Variants in DACH2 observed in about 807,000 individuals in gnomAD.
DACH2 encodes dachshund homolog 2.
A neutral mutation model predicts 35.8 loss-of-function variants in DACH2; 17 were observed. The observed-to-expected ratio is 0.48, with a 90% CI of 0.33 to 0.71. The LOEUF (loss-of-function observed/expected upper bound fraction) is 0.71, where lower values mean the gene tolerates loss of function less well. Among genes scored for constraint, DACH2 ranks in the 30% least tolerant of loss-of-function variants. The probability of loss-of-function intolerance (pLI) is 0.02; values close to 1 mark genes in which losing one functional copy is unlikely to be tolerated. For missense variants in DACH2, 469 were observed against 472.7 expected (o/e 0.99, Z 0.07); for synonymous variants, 195 against 177.3 (o/e 1.10, Z -0.79).
At chrX:86,206,720 C>G (rs1045704991) in intron 1 of DACH2, among the ~76,000 whole-genome samples, 2 of 111,567 alleles carry the variant, frequency 1.8e-5, no homozygotes, top group Non-Finnish European at 3.8e-5. Flanking sequence ...CTGTTTGCTT[C>G]GTTGGGTGTA....
At chrX:86,792,590 T>G (rs931447625) in intron 7 of DACH2, among the ~76,000 whole-genome samples, 1 of 111,631 alleles carries the variant, frequency 9.0e-6, no homozygotes, top group Non-Finnish European at 1.9e-5. Flanking sequence ...CATGAGATGT[T>G]TTTTAGCTCC....
At chrX:86,408,953 G>T (rs375124801) in intron 2 of DACH2, among the ~76,000 whole-genome samples, 2 of 111,528 alleles carry the variant, frequency 1.8e-5, no homozygotes, top group African/African-American at 3.3e-5. Flanking sequence ...TAAAAGAAAT[G>T]GACAAACTAC....
intron 4 of DACH2, among the ~76,000 whole-genome samples, chrX:86,671,610 A>G (rs1035314405): frequency 5.4e-5 from 6 of 111,613 alleles, no homozygotes; most frequent in African/African-American, 1.6e-4. Context: ...GCCTTCCGCC[A>G]TGATTGTAAG....
chrX:86,511,122 T>G (rs977956523), intron 2 of DACH2, among the ~76,000 whole-genome samples: 3 of 111,685 alleles, frequency 2.7e-5, no homozygotes. Flanking sequence ...AATACAGCTC[T>G]TAAAGATAAG....
chrX:86,339,300 C>G (rs965749634), intron 1 of DACH2, among the ~76,000 whole-genome samples: 1 of 111,763 alleles, frequency 8.9e-6, no homozygotes, highest in Non-Finnish European at 1.9e-5. Flanking sequence ...AATTGTTTCT[C>G]AAGAGATCAG....
At chrX:86,802,826 A>T in intron 7 of DACH2, among the ~76,000 whole-genome samples, 1 of 111,272 alleles carries the variant, frequency 9.0e-6, no homozygotes, top group Non-Finnish European at 1.9e-5. Context: ...AGGGTCATCT[A>T]ATTTATGGAA....
intron 7 of DACH2, among the ~76,000 whole-genome samples, chrX:86,742,036 C>T (rs929368809): frequency 2.7e-5 from 3 of 110,524 alleles, no homozygotes; most frequent in African/African-American, 9.8e-5. Context: ...ACAACTTACA[C>T]TTAGAAGTAA....
intron 2 of DACH2, among the ~76,000 whole-genome samples, chrX:86,411,992 C>T (rs985717767): frequency 9.0e-6 from 1 of 111,507 alleles, no homozygotes; most frequent in African/African-American, 3.3e-5. Flanking sequence ...CAAGAGACAC[C>T]TAATGGATCT....
At chrX:86,581,633 T>G (rs181977602) in intron 3 of DACH2, among the ~76,000 whole-genome samples, 2 of 110,265 alleles carry the variant, frequency 1.8e-5, no homozygotes, top group East Asian at 2.9e-4. Flanking sequence ...GAAAAAAAAA[T>G]AAAAAATTGG....
At chrX:86,328,175 A>T (rs754036730) in intron 1 of DACH2, among the ~76,000 whole-genome samples, 3 of 111,790 alleles carry the variant, frequency 2.7e-5, no homozygotes, top group Non-Finnish European at 5.6e-5. Context: ...CTATGCATCA[A>T]GCAGGGTACC....
chrX:86,739,779 T>C lies in DACH2; in HGVS notation c.1137T>C (p.Pro379=), dbSNP rs747727024. The part of the protein sequence containing the change: ...ERIPESPSPA[P]SLEENHRPGS... Reference sequence around the variant, plus strand: ...TCCCAGAGAGTCCTTCTCCTGCTCCTTCTCTAGAAGAGAATCATCGTCCTG... The same window carrying C: ...TCCCAGAGAGTCCTTCTCCTGCTCCCTCTCTAGAAGAGAATCATCGTCCTG... The change falls in exon 7 of 12, where the codon CCT becomes CCC. Residue 379 remains proline, a synonymous_variant. Transcript: ENST00000373125. The C allele has an allele frequency of 6.8e-6, 8 of 1,184,644 alleles. No homozygotes were observed. The highest frequency in any genetic ancestry group is 9.1e-6 in the Non-Finnish European group (8 of 882,082).
intron 4 of DACH2, among the ~76,000 whole-genome samples, chrX:86,691,278 AC>A (rs1436782727): frequency 1.8e-5 from 2 of 111,582 alleles, no homozygotes; most frequent in Non-Finnish European, 3.8e-5. Flanking sequence ...ACCCCTAGTT[AC>A]TTTGAACTGT....
intron 2 of DACH2, among the ~76,000 whole-genome samples, chrX:86,507,586 T>C (rs188879454): frequency 2.5e-4 from 28 of 111,281 alleles, no homozygotes; most frequent in East Asian, 2.0e-3. Context: ...ATGTTTCTTC[T>C]GTGGTCAAAT....
intron 1 of DACH2, among the ~76,000 whole-genome samples, chrX:86,220,002 C>A (rs375854486): frequency 3.4e-3 from 208 of 60,808 alleles, no homozygotes; most frequent in Admixed American, 4.7e-3. Context: ...ACTAAAAATA[C>A]AAAAAAAAAA....
At chrX:86,164,726 C>A (rs960631391) in intron 1 of DACH2, among the ~76,000 whole-genome samples, 3 of 110,608 alleles carry the variant, frequency 2.7e-5, no homozygotes, top group Non-Finnish European at 5.7e-5. Context: ...TTAGGTTTGT[C>A]AAAGATCAGG....
At chrX:86,811,273 C>G (rs1310647718) in intron 7 of DACH2, among the ~76,000 whole-genome samples, 2 of 111,294 alleles carry the variant, frequency 1.8e-5, no homozygotes, top group African/African-American at 6.5e-5. Flanking sequence ...TGAAGTTTCC[C>G]ACAAATGAAT....
chrX:86,590,302 C>T (rs775548846), intron 3 of DACH2, among the ~76,000 whole-genome samples: 1 of 112,158 alleles, frequency 8.9e-6, no homozygotes, highest in South Asian at 3.7e-4. Context: ...CCCCAGCCTT[C>T]CAGTCTCTTC....
At chrX:86,608,843 T>C (rs2039893910) in intron 3 of DACH2, among the ~76,000 whole-genome samples, 1 of 112,096 alleles carries the variant, frequency 8.9e-6, no homozygotes, top group Non-Finnish European at 1.9e-5. Flanking sequence ...GTCAGGCATA[T>C]TGGAGCTCCA....
intron 1 of DACH2, among the ~76,000 whole-genome samples, chrX:86,265,571 A>G (rs1237968024): frequency 1.8e-5 from 2 of 112,210 alleles, no homozygotes; most frequent in Admixed American, 1.9e-4. Context: ...GTGGGCATAC[A>G]TTATCTTTGA....
Sources: gnomAD v4.1 joint callset for allele counts (sites outside exome capture counted in the v4.1 genomes callset) on GRCh38, gnomAD v4.1.1 for gene constraint, MANE v1.5 for transcripts, NCBI Gene and HGNC (gene_info 2026-07-23, HGNC 2026-07-21) for gene names.